PLK5: variants seen among roughly 807,000 people sequenced by gnomAD.
The protein encoded by PLK5 is polo like kinase 5 (inactive).
PLK5 carries 28 observed loss-of-function variants against 33.7 expected under a neutral mutation model. That is an observed-to-expected ratio of 0.83 (90% CI 0.62 to 1.14). PLK5 has a LOEUF of 1.14. PLK5 is among the 50% of genes most tolerant of loss of function. PLK5 has a pLI of 0.00. For synonymous variants in PLK5, 225 were observed against 202.2 expected (o/e 1.11, Z -0.96); for missense variants, 492 against 461.5 (o/e 1.07, Z -0.61).
chr19:1,528,273 C>G, intron 7 of PLK5, 29 bp from the exon 8 acceptor site: 5 of 1,535,880 alleles, frequency 3.3e-6, no homozygotes, highest in Non-Finnish European at 4.4e-6. Flanking sequence ...TGACCTAAGC[C>G]GGGGATAACC....
rs1268221994 is a variant in PLK5 at position 1,524,086 on chromosome 19, C to CCGGAGCGGCCGCAGCGCGGTGGTCT, written c.-700_-676dup. On this transcript the variant is annotated 5_prime_UTR_variant, in exon 1 of 14. Transcript: ENST00000454744. This position sits in a 1 kb window ranked among gnomAD's most constrained non-coding sequence, Gnocchi z 4.5. ...CGGCTCCTGCGCCCTCAGAGCGGCC[C>CCGGAGCGGCCGCAGCGCGGTGGTCT]CGGAGCGGCCGCAGCGCGGTGGTCT... 27 of 151,378 alleles carry CCGGAGCGGCCGCAGCGCGGTGGTCT rather than the reference C, an allele frequency of 1.8e-4. No homozygotes were observed. The highest frequency in any genetic ancestry group is 5.5e-4 in the African/African-American group (23 of 41,464). 9.4% of individuals were successfully genotyped at this position (151,378 alleles called of 1,614,324 possible). A position where few individuals can be genotyped will look rare whatever the true frequency, so the allele number is the denominator to read the frequency against.
chr19:1,528,716 T>C (rs1325883246), intron 8 of PLK5, among the ~76,000 whole-genome samples, 182 bp from the exon 9 acceptor site: 5 of 96,154 alleles, frequency 5.2e-5, no homozygotes, highest in Admixed American at 2.0e-4. Flanking sequence ...CACACCTGCC[T>C]ACGCCTGCTA....
At chr19:1,533,747 A>G in intron 12 of PLK5, 184 bp from the exon 13 acceptor site, 1 of 606,056 alleles carries the variant, frequency 1.7e-6, no homozygotes, top group Admixed American at 2.9e-5. Flanking sequence ...CAACTGCGGG[A>G]GGCTGGAAGC....
chr19:1,529,386 C>A lies in PLK5; in HGVS notation c.406-20C>A, dbSNP rs2656862. The A allele has an allele frequency of 2.7e-5, 42 of 1,532,918 alleles. No homozygotes were observed. In the African/African-American group the frequency reaches 4.8e-4, roughly 18 times the overall value. 95.0% of individuals were successfully genotyped at this position (1,532,918 alleles called of 1,614,324 possible). A position where few individuals can be genotyped will look rare whatever the true frequency, so the allele number is the denominator to read the frequency against. ...GGGCTGGGGCCGGGGCCACCCCCACCCCTGCTGCTCCCACCTCAGAGCTCC... is the reference window on the plus strand; with the variant it reads ...GGGCTGGGGCCGGGGCCACCCCCACACCTGCTGCTCCCACCTCAGAGCTCC... On this transcript the variant is annotated intron_variant, in intron 9 of 13. Transcript: ENST00000454744.
intron 13 of PLK5, among the ~76,000 whole-genome samples, chr19:1,534,660 A>T (rs775549398): frequency 6.7e-6 from 1 of 148,586 alleles, no homozygotes; most frequent in East Asian, 2.0e-4. Flanking sequence ...AAAAAAAAAA[A>T]AAAAAAATTA....
intron 6 of PLK5, among the ~76,000 whole-genome samples, chr19:1,527,428 C>T (rs575608386): frequency 6.6e-6 from 1 of 152,056 alleles, no homozygotes; most frequent in Admixed American, 6.6e-5. Context: ...TTGGTGAAAC[C>T]CTGTCTCTAC....
In PLK5 at chr19:1,535,505, CAAAG is replaced by C; in HGVS notation, c.*259_*262del. On this transcript the variant is annotated 3_prime_UTR_variant, in exon 14 of 14. Transcript: ENST00000454744. The stretch of plus-strand genomic sequence containing the variant: ...GGGGAAAGCGTTTGAGGAGCTTTGG[CAAAG>C]AAACGTTGACCCCACGTGACGTTGC... 1 of 493,822 alleles carries C rather than the reference CAAAG, an allele frequency of 2.0e-6. No homozygotes were observed. Among genetic ancestry groups the C allele is most frequent in the Non-Finnish European group, 3.5e-6 (1 of 284,748 alleles). 30.6% of individuals were successfully genotyped at this position (493,822 alleles called of 1,614,324 possible).
At chr19:1,532,312 C>T (rs904192668) in intron 12 of PLK5, among the ~76,000 whole-genome samples, 4 of 151,738 alleles carry the variant, frequency 2.6e-5, no homozygotes, top group South Asian at 2.1e-4. Flanking sequence ...GGCTGAGGTG[C>T]GGACTCGCTT....
chr19:1,526,464 C>T (rs551591252), intron 3 of PLK5, 22 bp from the exon 4 acceptor site: 9 of 237,898 alleles, frequency 3.8e-5, no homozygotes, highest in Admixed American at 1.5e-4. Context: ...CCTTCTAATC[C>T]GGGGCCGCTG....
chr19:1,535,691 T>G lies in PLK5; in HGVS notation c.*441T>G, dbSNP rs1406519455. ...TGGGCCCAGGAGTTTGAGACCAGCC[T>G]GGGCAACATGGCAAGACCCCATCTC... is the stretch of plus-strand genomic sequence containing the variant. On this transcript the variant is annotated 3_prime_UTR_variant, in exon 14 of 14. Transcript: ENST00000454744. 2.2e-5 allele frequency: 4 copies of G among 185,290 alleles called. No homozygotes were observed. The highest frequency in any genetic ancestry group is 4.4e-5 in the Non-Finnish European group (4 of 90,350). 11.5% of individuals were successfully genotyped at this position (185,290 alleles called of 1,614,324 possible). A position where few individuals can be genotyped will look rare whatever the true frequency, so the allele number is the denominator to read the frequency against.
chr19:1,534,066 G>C, intron 13 of PLK5, 25 bp downstream of exon 13: 4 of 1,520,898 alleles, frequency 2.6e-6, no homozygotes, highest in Non-Finnish European at 3.5e-6. Context: ...CAAACTCGGG[G>C]CACTGGGGCT....
Position 1,535,156 on chromosome 19 carries a change from C to T in PLK5, c.917C>T (p.Thr306Ile). The change falls in exon 14 of 14, where the codon ACC becomes ATC. Residue 306 changes from threonine to isoleucine, a missense_variant. By Grantham distance (89) the Thr-to-Ile change is moderately conservative. Transcript: ENST00000454744. ...LTLWEQGSPG[T>I]SYSLDVPRSH... ...CTCTGGGAGCAGGGGTCCCCTGGCA[C>T]CTCCTACTCCCTGGACGTCCCGCGG... 6.5e-7 allele frequency: 1 copy of T among 1,535,688 alleles called. No homozygotes were observed. The highest frequency in any genetic ancestry group is 8.7e-7 in the Non-Finnish European group (1 of 1,146,762).
chr19:1,530,604 A>ATTTTTTTT (rs759461067), intron 11 of PLK5, among the ~76,000 whole-genome samples: 2 of 36,524 alleles, frequency 5.5e-5, no homozygotes, highest in Non-Finnish European at 9.2e-5. Context: ...GCCTGGGCGC[A>ATTTTTTTT]TTTTTTTTTT....
rs572641573 is a variant in PLK5 at position 1,526,511 on chromosome 19, G to A, written c.-287G>A. The A allele has an allele frequency of 4.4e-5, 12 of 274,422 alleles. No homozygotes were observed. Among genetic ancestry groups the A allele is most frequent in the South Asian group, 1.8e-4 (6 of 33,022 alleles). 17.0% of individuals were successfully genotyped at this position (274,422 alleles called of 1,614,324 possible). On this transcript the variant is annotated 5_prime_UTR_variant, in exon 4 of 14. Transcript: ENST00000454744. The stretch of plus-strand genomic sequence containing the variant: ...TCTTTGGCCCACGTGCTGAGGGCGC[G>A]GCAGATCCTGACGGAGCCAGAAGTG...
At position 1,528,559 on chromosome 19, in the gene PLK5, TCCCACCTGCCCAC is replaced by T; in HGVS notation, c.328+132_328+144del. Reference sequence around the variant, plus strand: ...CCCACGCCTCCCACCTGCCCACGCCTCCCACCTGCCCACGCCTCCCACCTGCCCACGCCTCCCA... The same window carrying T: ...CCCACGCCTCCCACCTGCCCACGCCTGCCTCCCACCTGCCCACGCCTCCCA... On this transcript the variant is annotated intron_variant, in intron 8 of 13. Transcript: ENST00000454744. The T allele has an allele frequency of 8.4e-6, 4 of 477,032 alleles. 1 individual carries two copies. The highest frequency in any genetic ancestry group is 1.1e-5 in the Non-Finnish European group (4 of 356,638). The allele number at this position is 477,032 out of a possible 1,614,324, so 29.5% of individuals were successfully genotyped here. A position where few individuals can be genotyped will look rare whatever the true frequency, so the allele number is the denominator to read the frequency against.
At chr19:1,534,153 A>AT in intron 13 of PLK5, 112 bp downstream of exon 13, 1 of 548,044 alleles carries the variant, frequency 1.8e-6, no homozygotes, top group Non-Finnish European at 2.9e-6. Flanking sequence ...TTTGCCTCCC[A>AT]GGAAAAAAAA....
chr19:1,530,713 G>A (rs939074055), intron 11 of PLK5, among the ~76,000 whole-genome samples: 23 of 145,460 alleles, frequency 1.6e-4, no homozygotes, highest in African/African-American at 4.9e-4. Flanking sequence ...TCTGCCTCCC[G>A]GGTTCACGCC....
At chr19:1,533,466 G>A (rs186041030) in intron 12 of PLK5, among the ~76,000 whole-genome samples, 23 of 152,316 alleles carry the variant, frequency 1.5e-4, no homozygotes, top group South Asian at 4.1e-4. Flanking sequence ...GGGCAGTGGC[G>A]GAGGCCTGGG....
rs1358019950 is a variant in PLK5 at position 1,535,082 on chromosome 19, C to T, written c.843C>T (p.Val281=). ...NGMVQVSFSG[V]PAQLVLSGEG... is the part of the protein sequence containing the mutation. The stretch of plus-strand genomic sequence containing the variant: ...CTTTGCAGGTGAGCTTCAGTGGAGT[C>T]CCGGCCCAACTGGTGCTGAGTGGCG... The change falls in exon 14 of 14, where the codon GTC becomes GTT. Residue 281 remains valine, a synonymous_variant. Transcript: ENST00000454744. The T allele has an allele frequency of 3.3e-6, 5 of 1,532,000 alleles. No individual in the cohort carries two copies. Among genetic ancestry groups the T allele is most frequent in the Non-Finnish European group, 4.4e-6 (5 of 1,145,244 alleles). 94.9% of individuals were successfully genotyped at this position (1,532,000 alleles called of 1,614,324 possible).
Sources: allele counts gnomAD v4.1 joint callset (sites outside exome capture counted in the v4.1 genomes callset), GRCh38; gene constraint gnomAD v4.1.1; non-coding constraint Gnocchi (gnomAD v3.1); transcripts MANE v1.5; gene names NCBI Gene and HGNC (gene_info 2026-07-23, HGNC 2026-07-21).